MSI2: variants seen among roughly 807,000 people sequenced by gnomAD.
MSI2 encodes musashi RNA binding protein 2.
A neutral mutation model predicts 45.6 loss-of-function variants in MSI2; 17 were observed. The observed-to-expected ratio is 0.37, with a 90% CI of 0.26 to 0.56. The LOEUF is 0.56. Among genes scored for constraint, MSI2 ranks in the 20% least tolerant of loss-of-function variants. The probability of loss-of-function intolerance (pLI) is 0.77; values close to 1 mark genes in which losing one functional copy is unlikely to be tolerated. For missense variants in MSI2, 293 were observed against 444.2 expected (o/e 0.66, Z 3.06); for synonymous variants, 156 against 158.2 (o/e 0.99, Z 0.11).
chr17:57,404,577 T>C (rs772739139), intron 6 of MSI2, among the ~76,000 whole-genome samples: 5 of 152,250 alleles, frequency 3.3e-5, no homozygotes, highest in Middle Eastern at 3.4e-3. Flanking sequence ...TCTAGAACTT[T>C]CCTTTCACAG....
rs532006204 is a variant in MSI2, at chr17:57,541,285, C to G, written c.454+11561C>G. ...AGTACAGTTATGAGTTGTCAGAATTCCCAACTCCAGCGACACAAACCATAC... is the reference window on the plus strand; with the variant it reads ...AGTACAGTTATGAGTTGTCAGAATTGCCAACTCCAGCGACACAAACCATAC... On this transcript the variant is annotated intron_variant, in intron 7 of 13. Transcript: ENST00000284073. Among the ~76,000 whole-genome samples the G allele has an allele frequency of 2.0e-5, 3 of 152,114 alleles. No individual in the cohort carries two copies. The South Asian group carries it at 6.2e-4, about 32-fold the overall frequency.
chr17:57,567,577 C>T (rs1323165875), intron 7 of MSI2, among the ~76,000 whole-genome samples: 2 of 152,192 alleles, frequency 1.3e-5, no homozygotes, highest in Non-Finnish European at 2.9e-5. Flanking sequence ...CTGCCTTAAC[C>T]GGCAGTTAAC....
intron 5 of MSI2, among the ~76,000 whole-genome samples, chr17:57,357,041 C>T (rs1916474864): frequency 6.6e-6 from 1 of 152,154 alleles, no homozygotes; most frequent in Non-Finnish European, 1.5e-5. Context: ...TAGACCCTTC[C>T]CCGCTTCTCG....
At chr17:57,263,071 G>A (rs1039004417) in intron 5 of MSI2, among the ~76,000 whole-genome samples, 17 of 152,316 alleles carry the variant, frequency 1.1e-4, no homozygotes, top group African/African-American at 3.4e-4. Context: ...CTTCTAAGTC[G>A]GAAAAGGTTG....
At position 57,627,248 on chromosome 17, in the gene MSI2, G is replaced by C. The variant is rs151229668; in HGVS notation, c.672G>C (p.Ala224=). The part of the protein sequence containing the change: ...MGMLGYPNFV[A]TYGRGYPGFA... ...TTCAAGGATATCCCAACTTCGTGGC[G>C]ACCTATGGCCGTGGCTACCCCGGAT... Residue 224 remains alanine (A), a synonymous_variant, in exon 10 of 14, where the codon GCG becomes GCC. Transcript: ENST00000284073. This position sits in a 1 kb window ranked among gnomAD's most constrained non-coding sequence, Gnocchi z 4.6. 1.1e-5 allele frequency: 17 copies of C among 1,614,044 alleles called. No individual in the cohort carries two copies. The highest frequency in any genetic ancestry group is 1.4e-5 in the Non-Finnish European group (16 of 1,180,040).
chr17:57,565,095 A>G (rs2087695255), intron 7 of MSI2, among the ~76,000 whole-genome samples: 1 of 152,184 alleles, frequency 6.6e-6, no homozygotes, highest in Non-Finnish European at 1.5e-5. Context: ...TACTTGCTGA[A>G]GACACAGAAT....
At chr17:57,574,096 A>G (rs1237883692) in intron 7 of MSI2, among the ~76,000 whole-genome samples, 1 of 152,104 alleles carries the variant, frequency 6.6e-6, no homozygotes, top group African/African-American at 2.4e-5. Context: ...TGTCAGTCCC[A>G]GGTTGGGAAA....
At chr17:57,495,548 A>AAAAAAAG (rs1555613511) in intron 6 of MSI2, among the ~76,000 whole-genome samples, 2 of 145,298 alleles carry the variant, frequency 1.4e-5, no homozygotes, top group African/African-American at 2.7e-5. Flanking sequence ...AAAAAAAAAA[A>AAAAAAAG]AAAAGAAAGC....
rs1459510615 is a variant in MSI2, at chr17:57,520,749, G to A, written c.406-8927G>A. Among the ~76,000 whole-genome samples, 5 of 152,152 alleles carry A rather than the reference G, an allele frequency of 3.3e-5. No homozygotes were observed. The East Asian group carries it at 9.6e-4, about 29-fold the overall frequency. On this transcript the variant is annotated intron_variant, in intron 6 of 13. Coordinates refer to ENST00000284073, the MANE Select transcript of MSI2 (RefSeq NM_138962.4). Reference sequence around the variant, plus strand: ...GCTCACTGCAGCCTCCGCCTCCTGGGTTCAAGCAATTCTCCTGCCTCAGCC... The same window carrying A: ...GCTCACTGCAGCCTCCGCCTCCTGGATTCAAGCAATTCTCCTGCCTCAGCC...
chr17:57,300,043 T>C (rs1260200592), intron 5 of MSI2, among the ~76,000 whole-genome samples: 4 of 152,218 alleles, frequency 2.6e-5, no homozygotes. Flanking sequence ...TGCCCATCTC[T>C]ACACAGCACC....
chr17:57,530,784 T>A (rs1205535257), intron 7 of MSI2, among the ~76,000 whole-genome samples: 1 of 151,728 alleles, frequency 6.6e-6, no homozygotes, highest in Non-Finnish European at 1.5e-5. Context: ...GCAGAGTGAG[T>A]GAAAGGCAAG....
chr17:57,324,157 C>T (rs1913585096), intron 5 of MSI2, among the ~76,000 whole-genome samples: 3 of 152,276 alleles, frequency 2.0e-5, no homozygotes, highest in South Asian at 4.1e-4. Flanking sequence ...GAAATTAAAA[C>T]AATTTTTTTC....
chr17:57,656,832 C>T (rs1009315337), intron 11 of MSI2, among the ~76,000 whole-genome samples: 1 of 152,188 alleles, frequency 6.6e-6, no homozygotes, highest in Middle Eastern at 3.2e-3. Context: ...AACAGGAGCA[C>T]GTGCTGCCAG....
At chr17:57,658,426 G>C (rs1428140627) in intron 11 of MSI2, among the ~76,000 whole-genome samples, 2 of 152,228 alleles carry the variant, frequency 1.3e-5, no homozygotes, top group South Asian at 2.1e-4. Context: ...ATTTCTGGGA[G>C]AGCCAGGACT....
At chr17:57,485,990 C>A (rs977926483) in intron 6 of MSI2, among the ~76,000 whole-genome samples, 1 of 152,224 alleles carries the variant, frequency 6.6e-6, no homozygotes, top group Non-Finnish European at 1.5e-5. Context: ...CCAGGGAAAG[C>A]CGTTAGGGTA....
At chr17:57,551,781 A>G (rs188385581) in intron 7 of MSI2, among the ~76,000 whole-genome samples, 20 of 152,308 alleles carry the variant, frequency 1.3e-4, no homozygotes, top group Admixed American at 5.2e-4. Context: ...AGGGATTTAA[A>G]AAGATCACGG....
rs767319842 is a variant in MSI2, at chr17:57,405,001, C to T, written c.405+3530C>T. Among the ~76,000 whole-genome samples the T allele has an allele frequency of 7.9e-5, 12 of 152,070 alleles. 1 individual carries two copies. The highest frequency in any genetic ancestry group is 2.7e-4 in the African/African-American group (11 of 41,376). ...AGCTAACAGGTTGGCAGAATCCACA[C>T]GTCACCATGAGCTACCCAGGGGTGA... On this transcript the variant is annotated intron_variant, in intron 6 of 13. Transcript: ENST00000284073.
intron 7 of MSI2, among the ~76,000 whole-genome samples, chr17:57,594,476 G>A (rs1905102523): frequency 6.6e-6 from 1 of 152,182 alleles, no homozygotes; most frequent in Non-Finnish European, 1.5e-5. Context: ...ATGCCCTCAG[G>A]AAACTGAAAG....
chr17:57,674,433 T>C (rs1227522083), intron 11 of MSI2, among the ~76,000 whole-genome samples: 1 of 152,204 alleles, frequency 6.6e-6, no homozygotes, highest in African/African-American at 2.4e-5. Context: ...CAAAGATTTT[T>C]TTTTTCCTGG....
Sources: allele counts gnomAD v4.1 joint callset (sites outside exome capture counted in the v4.1 genomes callset), GRCh38; gene constraint gnomAD v4.1.1; non-coding constraint Gnocchi (gnomAD v3.1); transcripts MANE v1.5; gene names NCBI Gene and HGNC (gene_info 2026-07-23, HGNC 2026-07-21).